The following CBFA2T3 variants were observed in gnomAD, a reference collection of about 807,000 sequenced individuals.
CBFA2T3 encodes the protein CBFA2/RUNX1 partner transcriptional co-repressor 3.
A neutral mutation model predicts 58.6 loss-of-function variants in CBFA2T3; 31 were observed. The ratio of observed to expected loss-of-function variants is 0.53; its 90% CI spans 0.40 to 0.71. The LOEUF (loss-of-function observed/expected upper bound fraction) is 0.71. Among genes scored for constraint, CBFA2T3 ranks in the 30% least tolerant of loss-of-function variants. CBFA2T3 has a pLI of 0.00. For synonymous variants in CBFA2T3, 531 were observed against 421.9 expected (o/e 1.26, Z -3.17); for missense variants, 1,076 against 963.1 (o/e 1.12, Z -1.55).
intron 1 of CBFA2T3, among the ~76,000 whole-genome samples, chr16:88,903,461 G>C (rs907100461): frequency 1.3e-5 from 2 of 152,144 alleles, no homozygotes; most frequent in Non-Finnish European, 2.9e-5. Flanking sequence ...CCTCCGCACA[G>C]CCGCTGACCT....
chr16:88,881,091 C>T (rs937681483), intron 9 of CBFA2T3, 200 bp downstream of exon 9: 2 of 718,126 alleles, frequency 2.8e-6, no homozygotes, highest in East Asian at 2.7e-5. Context: ...AGCTCCGAGC[C>T]TCTGGCCCAC....
chr16:88,959,041 G>T (rs1227671520), intron 1 of CBFA2T3, among the ~76,000 whole-genome samples: 1 of 152,176 alleles, frequency 6.6e-6, no homozygotes, highest in Non-Finnish European at 1.5e-5. Flanking sequence ...CCAACCCAGG[G>T]CCAGGATTCA....
At position 88,903,701 on chromosome 16, in the gene CBFA2T3, G is replaced by A. The variant is rs1444792049; in HGVS notation, c.152-2045C>T. Among the ~76,000 whole-genome samples, 12 of 141,832 alleles carry A rather than the reference G, an allele frequency of 8.5e-5. No individual in the cohort carries two copies. The East Asian group carries it at 8.5e-4, about 10-fold the overall frequency. 93.0% of individuals were successfully genotyped at this position (141,832 alleles called of 152,430 possible). The stretch of plus-strand genomic sequence containing the variant: ...CTGGGGGGGCATTCCTGGGGGGGGC[G>A]TTCCTGGTGGGGGCAGCCCTTCCAG... On this transcript the variant is annotated intron_variant, in intron 1 of 11. Transcript: ENST00000268679.
intron 3 of CBFA2T3, 49 bp from the exon 4 acceptor site, chr16:88,892,534 C>T (rs776685773): frequency 6.2e-7 from 1 of 1,604,482 alleles, no homozygotes. Context: ...GGTGACAACA[C>T]AACCCAGACG....
At chr16:88,895,678 T>A (rs748513407) in intron 3 of CBFA2T3, among the ~76,000 whole-genome samples, 4 of 151,986 alleles carry the variant, frequency 2.6e-5, no homozygotes, top group Non-Finnish European at 5.9e-5. Flanking sequence ...CTGCTCTCAC[T>A]CCAGCCTGGG....
intron 1 of CBFA2T3, among the ~76,000 whole-genome samples, chr16:88,919,826 C>T (rs954556559): frequency 6.6e-5 from 10 of 152,066 alleles, no homozygotes; most frequent in African/African-American, 1.9e-4. Context: ...GTCTGGAGGC[C>T]GCATCAGACC....
chr16:88,898,457 C>T (rs896686914), intron 2 of CBFA2T3, among the ~76,000 whole-genome samples: 3 of 152,230 alleles, frequency 2.0e-5, no homozygotes, highest in African/African-American at 4.8e-5. Context: ...CTCCCCTCTC[C>T]GAGCCTCAGT....
chr16:88,916,216 A>C (rs1970718034), intron 1 of CBFA2T3, among the ~76,000 whole-genome samples: 2 of 136,490 alleles, frequency 1.5e-5, no homozygotes, highest in African/African-American at 5.9e-5. Context: ...ATGCACTTAC[A>C]TATACATGTG....
At chr16:88,882,062 G>A (rs761982479) in intron 8 of CBFA2T3, among the ~76,000 whole-genome samples, 3 of 152,230 alleles carry the variant, frequency 2.0e-5, no homozygotes, top group Non-Finnish European at 2.9e-5. Context: ...AGCAAGGCCC[G>A]CCATGAGGGT....
At chr16:88,922,264 G>A (rs1362438409) in intron 1 of CBFA2T3, among the ~76,000 whole-genome samples, 1 of 152,260 alleles carries the variant, frequency 6.6e-6, no homozygotes, top group South Asian at 2.1e-4. Context: ...GCAGTCTAAG[G>A]ATGCGGAGAT....
chr16:88,934,614 A>G (rs545233255), intron 1 of CBFA2T3, among the ~76,000 whole-genome samples: 1 of 152,350 alleles, frequency 6.6e-6, no homozygotes, highest in South Asian at 2.1e-4. Flanking sequence ...AGGAGCGGAG[A>G]GGAGTCTGGC....
chr16:88,948,163 G>A (rs1971953665), intron 1 of CBFA2T3, among the ~76,000 whole-genome samples: 1 of 152,204 alleles, frequency 6.6e-6, no homozygotes, highest in South Asian at 2.1e-4. Flanking sequence ...CTCCTTCTGA[G>A]AGTCAGATGC....
chr16:88,945,897 C>G (rs1362241388), intron 1 of CBFA2T3, among the ~76,000 whole-genome samples: 3 of 152,126 alleles, frequency 2.0e-5, no homozygotes, highest in Admixed American at 6.5e-5. Flanking sequence ...TCGTTTTTAC[C>G]AAAACTTAGA....
At chr16:88,881,257 G>A (rs142010820) in intron 9 of CBFA2T3, 34 bp downstream of exon 9, 30 of 1,568,778 alleles carry the variant, frequency 1.9e-5, no homozygotes, top group East Asian at 4.5e-5. Flanking sequence ...AGAGCACCCC[G>A]TGTCTGCTCC....
rs61415105 is a variant in CBFA2T3, at chr16:88,898,298, G to A, written c.305-146C>T. 6.1e-3 allele frequency: 3,891 copies of A among 638,346 alleles called. 116 individuals are homozygous for A. In the African/African-American group the frequency reaches 0.063, roughly 10 times the overall value. The allele number at this position is 638,346 out of a possible 1,614,324, so 39.5% of individuals were successfully genotyped here. A position where few individuals can be genotyped will look rare whatever the true frequency, so the allele number is the denominator to read the frequency against. ...CAGGAGACTGCCCTCAGGGGCACCC[G>A]GGCCGCCTTTTCTTGCTTCTCAGAG... On this transcript the variant is annotated intron_variant, in intron 2 of 11. Transcript: ENST00000268679.
At chr16:88,941,289 C>A (rs963751768) in intron 1 of CBFA2T3, 9 of 512,132 alleles carry the variant, frequency 1.8e-5, no homozygotes, top group African/African-American at 1.5e-4. Flanking sequence ...CTCCGCGGCC[C>A]GCGCCGGGTC....
chr16:88,903,675 C>A (rs534545919), intron 1 of CBFA2T3, among the ~76,000 whole-genome samples: 608 of 60,152 alleles, frequency 0.01, 10 homozygotes, highest in Middle Eastern at 0.056. Flanking sequence ...GGGGGGCGTT[C>A]CTGGGGGGGC....
intron 1 of CBFA2T3, among the ~76,000 whole-genome samples, chr16:88,916,014 G>A (rs1301902138): frequency 1.3e-5 from 2 of 152,100 alleles, no homozygotes; most frequent in Non-Finnish European, 2.9e-5. Context: ...GCATGGGTGT[G>A]TGTCCGTGTG....
At chr16:88,878,038 TG>T (rs1351323810) in intron 11 of CBFA2T3, among the ~76,000 whole-genome samples, 2 of 152,202 alleles carry the variant, frequency 1.3e-5, no homozygotes, top group Non-Finnish European at 2.9e-5. Flanking sequence ...GACTAGGCAC[TG>T]CCAGGCACAG....
Sources: allele counts gnomAD v4.1 joint callset (sites outside exome capture counted in the v4.1 genomes callset), GRCh38; gene constraint gnomAD v4.1.1; transcripts MANE v1.5; gene names NCBI Gene and HGNC (gene_info 2026-07-23, HGNC 2026-07-21).